LANCL1: variants seen among roughly 807,000 people sequenced by gnomAD.
The protein encoded by LANCL1 is glutathione S-transferase LANCL1.
A neutral mutation model predicts 50.6 loss-of-function variants in LANCL1; 50 were observed. The observed-to-expected ratio is 0.99, with a 90% CI of 0.79 to 1.25. LANCL1 has a LOEUF of 1.25. LANCL1 is among the 50% of genes most tolerant of loss of function. The pLI is 0.00. For missense variants in LANCL1, 532 were observed against 480.7 expected, an observed-to-expected ratio of 1.11 and a Z score of -1.00; for synonymous variants, 188 against 178.6, an observed-to-expected ratio of 1.05 and a Z score of -0.42.
intron 3 of LANCL1, 129 bp from the exon 4 acceptor site, chr2:210,455,443 G>T: frequency 1.3e-6 from 1 of 753,496 alleles, no homozygotes; most frequent in Non-Finnish European, 2.1e-6. Context: ...TGGAAGTTTG[G>T]GTGACTTTAA....
At chr2:210,455,369 A>G (rs1388643661) in intron 3 of LANCL1, 55 bp from the exon 4 acceptor site, 2 of 1,458,402 alleles carry the variant, frequency 1.4e-6, no homozygotes, top group East Asian at 4.7e-5. Flanking sequence ...TTATTTTATT[A>G]TTTTTGGCAT....
Position 210,458,011 on chromosome 2 carries a change from T to C in LANCL1, c.200-2697A>G, listed in dbSNP as rs139603107. Reference sequence around the variant, plus strand: ...GTAGTGGAGGCAACTTTGGAAAATGTTCTTGAAGGGAAGGCACTGGCGATT... The same window carrying C: ...GTAGTGGAGGCAACTTTGGAAAATGCTCTTGAAGGGAAGGCACTGGCGATT... On this transcript the variant is annotated intron_variant, in intron 3 of 9. Coordinates refer to ENST00000450366, the MANE Select transcript of LANCL1 (RefSeq NM_006055.3). 5.0e-3 allele frequency among the ~76,000 whole-genome samples: 757 copies of C among 152,258 alleles called. 11 individuals are homozygous for C. Among genetic ancestry groups the C allele is most frequent in the Non-Finnish European group, 5.3e-3 (359 of 68,012 alleles).
intron 4 of LANCL1, among the ~76,000 whole-genome samples, chr2:210,443,846 TTTG>T (rs1465574267): frequency 6.6e-5 from 10 of 152,142 alleles, no homozygotes; most frequent in East Asian, 1.9e-4. Flanking sequence ...CACCAGAGAA[TTTG>T]TTATTATTAA....
chr2:210,436,767 C>T (rs146987140), intron 7 of LANCL1, among the ~76,000 whole-genome samples: 28 of 152,264 alleles, frequency 1.8e-4, no homozygotes, highest in African/African-American at 5.3e-4. Context: ...AGTTTCTTTA[C>T]ACACTGGAGA....
chr2:210,464,136 T>C (rs1693963572), intron 3 of LANCL1, among the ~76,000 whole-genome samples: 1 of 152,250 alleles, frequency 6.6e-6, no homozygotes, highest in South Asian at 2.1e-4. Flanking sequence ...CAACAAAGCA[T>C]TGTGTATATA....
In LANCL1 at chr2:210,432,106, ACTTC is replaced by A. The variant is rs1692764884; in HGVS notation, c.*2377_*2380del. 6.6e-6 allele frequency: 1 copy of A among 152,200 alleles called. No homozygotes were observed. Among genetic ancestry groups the A allele is most frequent in the African/African-American group, 2.4e-5 (1 of 41,456 alleles). 9.4% of individuals were successfully genotyped at this position (152,200 alleles called of 1,614,324 possible). On this transcript the variant is annotated 3_prime_UTR_variant, in exon 10 of 10. Transcript: ENST00000450366. ...AAACTAGAACTGAAACAATGATGCC[ACTTC>A]CTTTTAAAACTAAGAAGCCTAGTAT...
intron 3 of LANCL1, among the ~76,000 whole-genome samples, chr2:210,457,284 G>A (rs1166148096): frequency 6.6e-6 from 1 of 152,178 alleles, no homozygotes; most frequent in African/African-American, 2.4e-5. Flanking sequence ...TTATGTCACA[G>A]ACATTTAATA....
Position 210,452,640 on chromosome 2 carries a change from C to T in LANCL1, c.407+2467G>A, listed in dbSNP as rs988047971. Among the ~76,000 whole-genome samples, 4 of 152,082 alleles carry T rather than the reference C, an allele frequency of 2.6e-5. No homozygotes were observed. The South Asian group carries it at 8.3e-4, about 32-fold the overall frequency. On this transcript the variant is annotated intron_variant, in intron 4 of 9. Transcript: ENST00000450366. ...TGGGGGTTTTATACACTGCCAGAAA[C>T]CCTAAGATTCTGGCCCAAGGTTAAG...
intron 9 of LANCL1, among the ~76,000 whole-genome samples, chr2:210,434,878 TAAC>T (rs1205649864): frequency 1.3e-5 from 2 of 151,948 alleles, no homozygotes; most frequent in Admixed American, 6.6e-5. Flanking sequence ...TTTTTAACAT[TAAC>T]AACATTACAA....
rs1021118118 is a variant in LANCL1 at position 210,472,142 on chromosome 2, A to T, written c.82-66T>A. The T allele has an allele frequency of 2.7e-5, 28 of 1,032,740 alleles. No individual in the cohort carries two copies. The Admixed American group carries it at 3.8e-4, about 14-fold the overall frequency. 64.0% of individuals were successfully genotyped at this position (1,032,740 alleles called of 1,614,324 possible). On this transcript the variant is annotated intron_variant, in intron 2 of 9. Transcript: ENST00000450366. Reference sequence around the variant, plus strand: ...CACCCAGCTTGCTGGACTATAAGCTATCAAAGACAGAAAGGTATTTCTTTT... The same window carrying T: ...CACCCAGCTTGCTGGACTATAAGCTTTCAAAGACAGAAAGGTATTTCTTTT...
At position 210,472,000 on chromosome 2, in the gene LANCL1, G is replaced by A; in HGVS notation, c.158C>T (p.Ser53Leu). 2 of 1,614,146 alleles carry A rather than the reference G, an allele frequency of 1.2e-6. No individual in the cohort carries two copies. Among genetic ancestry groups the A allele is most frequent in the Non-Finnish European group, 1.7e-6 (2 of 1,179,988 alleles). ...ACCGGTGCCATCCCGAGGGTCTGCT[G>A]ATTTCAGGCCTCTCTCCATTTGCTG... is the stretch of plus-strand genomic sequence containing the variant. ...LLQQMERGLK[S>L]ADPRDGTGYT... Residue 53 changes from serine to leucine, a missense_variant, in exon 3 of 10, where the codon TCA (serine) becomes TTA (leucine). Transcript: ENST00000450366.
chr2:210,439,819 T>C (rs1693065683), intron 6 of LANCL1, among the ~76,000 whole-genome samples: 1 of 152,202 alleles, frequency 6.6e-6, no homozygotes, highest in Non-Finnish European at 1.5e-5. Flanking sequence ...CTGAACACGT[T>C]AATGAAACAC....
At chr2:210,476,505 C>A in intron 1 of LANCL1, 93 bp from the exon 2 acceptor site, 1 of 1,451,554 alleles carries the variant, frequency 6.9e-7, no homozygotes, top group Admixed American at 2.6e-5. Context: ...CCCCCTTCCT[C>A]CAGCTCCAGG....
chr2:210,474,891 C>T (rs1694314431), intron 2 of LANCL1, among the ~76,000 whole-genome samples: 4 of 152,102 alleles, frequency 2.6e-5, no homozygotes, highest in African/African-American at 9.7e-5. Flanking sequence ...GCAAGTCCTC[C>T]TCCCGCAAGA....
intron 6 of LANCL1, among the ~76,000 whole-genome samples, chr2:210,439,682 T>A (rs1261457132): frequency 6.6e-6 from 1 of 152,174 alleles, no homozygotes. Context: ...AAAATAATAA[T>A]AATCTTGAGT....
intron 6 of LANCL1, 40 bp from the exon 7 acceptor site, chr2:210,437,912 A>G (rs1426304627): frequency 6.9e-7 from 1 of 1,447,198 alleles, no homozygotes; most frequent in South Asian, 1.4e-5. Flanking sequence ...GCTGAAGCAA[A>G]TAAACCTTCC....
In LANCL1 at chr2:210,441,417, G is replaced by C; in HGVS notation, c.434C>G (p.Pro145Arg). 1 of 1,610,200 alleles carries C rather than the reference G, an allele frequency of 6.2e-7. No individual in the cohort carries two copies. The highest frequency in any genetic ancestry group is 8.5e-7 in the Non-Finnish European group (1 of 1,177,634). ...TRLIHLNKID[P>R]HAPNEMLYGR... is the part of the protein sequence containing the mutation. The stretch of plus-strand genomic sequence containing the variant: ...ATAGAGCATTTCATTTGGAGCATGA[G>C]GATCAATCTTATTTAGGTGAATTAG... Residue 145 changes from proline to arginine, a missense_variant, in exon 5 of 10, where the codon CCT becomes CGT. Transcript: ENST00000450366.
chr2:210,456,161 G>A (rs1265479732), intron 3 of LANCL1, among the ~76,000 whole-genome samples: 1 of 152,080 alleles, frequency 6.6e-6, no homozygotes, highest in Non-Finnish European at 1.5e-5. Context: ...GGAGTAGGAA[G>A]CCTGCCTGCC....
chr2:210,452,485 T>C (rs1249196128), intron 4 of LANCL1, among the ~76,000 whole-genome samples: 1 of 152,158 alleles, frequency 6.6e-6, no homozygotes, highest in African/African-American at 2.4e-5. Flanking sequence ...ATGCAATGTA[T>C]TGTCCTCCCC....
Sources: allele counts gnomAD v4.1 joint callset (sites outside exome capture counted in the v4.1 genomes callset), GRCh38; gene constraint gnomAD v4.1.1; transcripts MANE v1.5; gene names NCBI Gene and HGNC (gene_info 2026-07-23, HGNC 2026-07-21).